NMT1: variants seen among roughly 807,000 people sequenced by gnomAD.
The protein encoded by NMT1 is N-myristoyltransferase 1, also known as glycylpeptide N-tetradecanoyltransferase 1.
A neutral mutation model predicts 63.4 loss-of-function variants in NMT1; 12 were observed. The observed-to-expected ratio is 0.19, with a 90% CI of 0.12 to 0.31. NMT1 has a LOEUF of 0.31. Among genes scored for constraint, NMT1 ranks in the 10% least tolerant of loss-of-function variants. The pLI is 1.00. For missense variants in NMT1, 432 were observed against 634.6 expected (o/e 0.68, Z 3.43); for synonymous variants, 228 against 234.3 (o/e 0.97, Z 0.25).
intron 1 of NMT1, among the ~76,000 whole-genome samples, chr17:45,076,012 G>C (rs953022294): frequency 3.9e-5 from 6 of 152,216 alleles, no homozygotes; most frequent in Admixed American, 1.3e-4. Flanking sequence ...GGAGGCTGCA[G>C]TGAGCCAAGA....
At chr17:45,077,512 T>C (rs2053985744) in intron 1 of NMT1, among the ~76,000 whole-genome samples, 1 of 152,182 alleles carries the variant, frequency 6.6e-6, no homozygotes, top group Non-Finnish European at 1.5e-5. Flanking sequence ...TGCCTCAGCC[T>C]CCCGAGTAGC....
At chr17:45,083,136 G>A (rs982802928) in intron 2 of NMT1, among the ~76,000 whole-genome samples, 1 of 151,900 alleles carries the variant, frequency 6.6e-6, no homozygotes, top group African/African-American at 2.4e-5. Flanking sequence ...CCAACATGGT[G>A]AAACCCTGCC....
Position 45,105,694 on chromosome 17 carries a change from G to C in NMT1, c.*55G>C, listed in dbSNP as rs2054198559. ...CACTGAAAATTCGAACCAGGAAATG[G>C]AACCCCACCACTGTTGGTCCAATTT... On this transcript the variant is annotated 3_prime_UTR_variant, in exon 12 of 12. Transcript: ENST00000258960. This position sits in a 1 kb window ranked among gnomAD's most constrained non-coding sequence, Gnocchi z 4.2. 3.2e-6 allele frequency: 5 copies of C among 1,554,174 alleles called. No homozygotes were observed. The highest frequency in any genetic ancestry group is 4.4e-6 in the Non-Finnish European group (5 of 1,128,530).
chr17:45,090,433 C>T (rs1250719766), intron 3 of NMT1, among the ~76,000 whole-genome samples: 2 of 152,124 alleles, frequency 1.3e-5, no homozygotes, highest in South Asian at 2.1e-4. Flanking sequence ...CTTTCCCACT[C>T]ATGTCAACGG....
Position 45,104,190 on chromosome 17 carries a change from C to T in NMT1, c.1332+314C>T. On this transcript the variant is annotated intron_variant, in intron 10 of 11. Coordinates refer to ENST00000258960, the MANE Select transcript of NMT1 (RefSeq NM_021079.5). This position sits in a 1 kb window ranked among gnomAD's most constrained non-coding sequence, Gnocchi z 4.2. ...GACAGGGCTTCTCCTCACAGCTTTC[C>T]CAGCGTGGGAAAGGGGTGATTGCTG... 1 of 1,267,474 alleles carries T rather than the reference C, an allele frequency of 7.9e-7. No individual in the cohort carries two copies. Among genetic ancestry groups the T allele is most frequent in the Non-Finnish European group, 1.0e-6 (1 of 992,886 alleles). The allele number at this position is 1,267,474 out of a possible 1,614,324, so 78.5% of individuals were successfully genotyped here.
intron 1 of NMT1, among the ~76,000 whole-genome samples, chr17:45,081,430 G>A (rs2054016510): frequency 1.3e-5 from 2 of 152,168 alleles, no homozygotes; most frequent in Non-Finnish European, 1.5e-5. Flanking sequence ...GACATCCCTT[G>A]CCCAGCACTC....
At chr17:45,085,712 C>G (rs921915181) in intron 2 of NMT1, among the ~76,000 whole-genome samples, 1 of 152,184 alleles carries the variant, frequency 6.6e-6, no homozygotes, top group Non-Finnish European at 1.5e-5. Flanking sequence ...GCGGGCAGCA[C>G]CCACCCATCA....
Position 45,104,211 on chromosome 17 carries a change from T to A in NMT1, c.1332+335T>A. Reference sequence around the variant, plus strand: ...TTTCCCAGCGTGGGAAAGGGGTGATTGCTGTCTGTCGTGGTGAGTCATTGG... The same window carrying A: ...TTTCCCAGCGTGGGAAAGGGGTGATAGCTGTCTGTCGTGGTGAGTCATTGG... On this transcript the variant is annotated intron_variant, in intron 10 of 11. Coordinates refer to ENST00000258960, the MANE Select transcript of NMT1 (RefSeq NM_021079.5). The surrounding 1 kb of genome is among the most constrained non-coding windows in gnomAD (Gnocchi z 4.2). The A allele has an allele frequency of 1.6e-6, 2 of 1,238,076 alleles. No individual in the cohort carries two copies. Among genetic ancestry groups the A allele is most frequent in the Non-Finnish European group, 2.1e-6 (2 of 974,434 alleles). The allele number at this position is 1,238,076 out of a possible 1,614,324, so 76.7% of individuals were successfully genotyped here. A position where few individuals can be genotyped will look rare whatever the true frequency, so the allele number is the denominator to read the frequency against.
intron 3 of NMT1, among the ~76,000 whole-genome samples, chr17:45,090,184 T>G (rs2054079036): frequency 6.6e-6 from 1 of 152,116 alleles, no homozygotes; most frequent in South Asian, 2.1e-4. Flanking sequence ...CTCAGGAGAC[T>G]GAGGTGGGAG....
Position 45,103,550 on chromosome 17 carries a change from C to G in NMT1, c.1165-159C>G, listed in dbSNP as rs140274766. Among the ~76,000 whole-genome samples, 27 of 152,324 alleles carry G rather than the reference C, an allele frequency of 1.8e-4. No individual in the cohort carries two copies. Among genetic ancestry groups the G allele is most frequent in the Non-Finnish European group, 3.5e-4 (24 of 68,044 alleles). ...CGGCTCTGTCCTCAAGTGCCCTGAG[C>G]CAATGTCCCTCCTCCTCCCCACATG... On this transcript the variant is annotated intron_variant, in intron 9 of 11. Transcript: ENST00000258960. The surrounding 1 kb of genome is among the most constrained non-coding windows in gnomAD (Gnocchi z 4.8).
At chr17:45,068,185 TC>T (rs1243458353) in intron 1 of NMT1, among the ~76,000 whole-genome samples, 10 of 152,156 alleles carry the variant, frequency 6.6e-5, no homozygotes, top group Non-Finnish European at 1.5e-4. Context: ...AAACCGGAAT[TC>T]CTCCATAGGC....
In NMT1 at chr17:45,104,113, T is replaced by C; in HGVS notation, c.1332+237T>C. ...CCTGATTCATTTCAGTGAGTTTCGT[T>C]CTCACAGGAGGCGCCACCAAGGAGC... is the stretch of plus-strand genomic sequence containing the variant. On this transcript the variant is annotated intron_variant, in intron 10 of 11. Coordinates refer to ENST00000258960, the MANE Select transcript of NMT1 (RefSeq NM_021079.5). This position sits in a 1 kb window ranked among gnomAD's most constrained non-coding sequence, Gnocchi z 4.2. 1 of 1,420,792 alleles carries C rather than the reference T, an allele frequency of 7.0e-7. No individual in the cohort carries two copies. Among genetic ancestry groups the C allele is most frequent in the Non-Finnish European group, 9.2e-7 (1 of 1,083,222 alleles). 88.0% of individuals were successfully genotyped at this position (1,420,792 alleles called of 1,614,324 possible). A position where few individuals can be genotyped will look rare whatever the true frequency, so the allele number is the denominator to read the frequency against.
At chr17:45,075,808 G>A (rs1254783756) in intron 1 of NMT1, among the ~76,000 whole-genome samples, 3 of 152,098 alleles carry the variant, frequency 2.0e-5, no homozygotes, top group South Asian at 2.1e-4. Context: ...GGTGGCTTAC[G>A]CCTGTAATCC....
intron 1 of NMT1, among the ~76,000 whole-genome samples, chr17:45,073,839 T>G (rs1457259683): frequency 6.6e-6 from 1 of 152,218 alleles, no homozygotes; most frequent in East Asian, 1.9e-4. Context: ...AGTTTCCTCA[T>G]CTGTAAACAA....
At chr17:45,063,357 T>C (rs189106785) in intron 1 of NMT1, among the ~76,000 whole-genome samples, 1 of 152,072 alleles carries the variant, frequency 6.6e-6, no homozygotes, top group African/African-American at 2.4e-5. Context: ...TTCCTAAAAA[T>C]GGAAGAGCTG....
Position 45,103,485 on chromosome 17 carries a change from C to T in NMT1, c.1165-224C>T, listed in dbSNP as rs1405009921. On this transcript the variant is annotated intron_variant, in intron 9 of 11. Transcript: ENST00000258960. The surrounding 1 kb of genome is among the most constrained non-coding windows in gnomAD (Gnocchi z 4.8). ...GCAAGAAGAGGTCCCTGGCGGTGCC[C>T]ATGCTGGGAAAGAGGTCTGGCAGGT... Among the ~76,000 whole-genome samples the T allele has an allele frequency of 6.6e-6, 1 of 152,148 alleles. No individual in the cohort carries two copies. The highest frequency in any genetic ancestry group is 2.4e-5 in the African/African-American group (1 of 41,414).
At chr17:45,089,600 A>G (rs991662759) in intron 3 of NMT1, among the ~76,000 whole-genome samples, 2 of 151,124 alleles carry the variant, frequency 1.3e-5, no homozygotes, top group African/African-American at 4.9e-5. Context: ...TTGGCCTCCC[A>G]AAGTGCTAGG....
intron 3 of NMT1, among the ~76,000 whole-genome samples, chr17:45,092,877 T>C (rs777427897): frequency 2.6e-5 from 4 of 152,120 alleles, no homozygotes; most frequent in Non-Finnish European, 5.9e-5. Flanking sequence ...CACTAAACAT[T>C]GCATTCTTCC....
intron 1 of NMT1, among the ~76,000 whole-genome samples, chr17:45,072,068 A>C (rs947076154): frequency 6.6e-6 from 1 of 152,146 alleles, no homozygotes; most frequent in South Asian, 2.1e-4. Flanking sequence ...CCTGGGCAAC[A>C]TAGAGAAACT....
Sources: gnomAD v4.1 joint callset for allele counts (sites outside exome capture counted in the v4.1 genomes callset) on GRCh38, gnomAD v4.1.1 for gene constraint, Gnocchi (gnomAD v3.1) non-coding constraint, MANE v1.5 for transcripts, NCBI Gene and HGNC (gene_info 2026-07-23, HGNC 2026-07-21) for gene names.